Variants in SLIT3 observed in about 807,000 individuals in gnomAD.
SLIT3 encodes the protein slit homolog 3 protein.
SLIT3 carries 68 observed loss-of-function variants against 184.0 expected under a neutral mutation model. That is an observed-to-expected ratio of 0.37 (90% CI 0.30 to 0.45). The LOEUF (loss-of-function observed/expected upper bound fraction) is 0.45, where lower values mean the gene tolerates loss of function less well. SLIT3 is among the 20% of genes least tolerant of loss of function. SLIT3 has a pLI of 1.00. For synonymous variants in SLIT3, 831 were observed against 828.6 expected (o/e 1.00, Z -0.05); for missense variants, 1,707 against 2,026.0 (o/e 0.84, Z 3.02).
At chr5:169,260,654 G>T (rs1245631353) in intron 1 of SLIT3, among the ~76,000 whole-genome samples, 1 of 152,110 alleles carries the variant, frequency 6.6e-6, no homozygotes, top group African/African-American at 2.4e-5. Flanking sequence ...AATGATCCCT[G>T]TGTAAATAAA....
At chr5:168,856,836 G>T (rs1416201288) in intron 5 of SLIT3, among the ~76,000 whole-genome samples, 1 of 150,324 alleles carries the variant, frequency 6.7e-6, no homozygotes, top group African/African-American at 2.5e-5. Flanking sequence ...TGTTCAGACT[G>T]GTTCTCAGAG....
intron 5 of SLIT3, among the ~76,000 whole-genome samples, chr5:168,861,443 T>C (rs76048769): frequency 0.017 from 1,956 of 116,096 alleles, 21 homozygotes; most frequent in East Asian, 0.079. Context: ...CCCATTTCAA[T>C]AGGCAGCAAG....
chr5:169,251,294 G>T (rs1765765585), intron 2 of SLIT3, 94 bp downstream of exon 2: 1 of 845,950 alleles, frequency 1.2e-6, no homozygotes, highest in Non-Finnish European at 2.1e-6. Context: ...GTTGTCCAGG[G>T]CTTGGGAGTG....
At chr5:168,862,589 C>G (rs537293203) in intron 5 of SLIT3, among the ~76,000 whole-genome samples, 1 of 152,158 alleles carries the variant, frequency 6.6e-6, no homozygotes, top group Non-Finnish European at 1.5e-5. Flanking sequence ...CACTCAGCCA[C>G]GACCCTCTCC....
intron 1 of SLIT3, among the ~76,000 whole-genome samples, chr5:169,281,345 G>A (rs1049787859): frequency 1.3e-5 from 2 of 152,048 alleles, no homozygotes; most frequent in Admixed American, 6.5e-5. Context: ...GCGTGGTGAC[G>A]GGTGCCTGTA....
At chr5:168,703,831 G>A (rs1463142429) in intron 26 of SLIT3, among the ~76,000 whole-genome samples, 2 of 151,070 alleles carry the variant, frequency 1.3e-5, no homozygotes, top group Non-Finnish European at 2.9e-5. Flanking sequence ...GGGCATCCCA[G>A]CTACTCAGGA....
chr5:169,268,128 T>C (rs2113626080), intron 1 of SLIT3, among the ~76,000 whole-genome samples: 1 of 152,336 alleles, frequency 6.6e-6, no homozygotes, highest in East Asian at 1.9e-4. Context: ...TGTCCTGCCA[T>C]GCCCTAATAA....
At chr5:168,831,541 GC>G (rs1185757578) in intron 6 of SLIT3, among the ~76,000 whole-genome samples, 1 of 152,158 alleles carries the variant, frequency 6.6e-6, no homozygotes, top group Admixed American at 6.5e-5. Context: ...CTCACAAGGG[GC>G]CTTATTCACT....
intron 4 of SLIT3, among the ~76,000 whole-genome samples, chr5:168,995,039 G>A (rs1479298517): frequency 1.3e-5 from 2 of 152,128 alleles, no homozygotes; most frequent in African/African-American, 4.8e-5. Flanking sequence ...TAAGGAAACT[G>A]AGGCACAGTG....
chr5:168,680,512 G>A (rs1442276793), intron 32 of SLIT3, among the ~76,000 whole-genome samples: 3 of 152,252 alleles, frequency 2.0e-5, no homozygotes, highest in Non-Finnish European at 4.4e-5. Flanking sequence ...TGAGCCAAAA[G>A]CTGGTGGCTG....
intron 4 of SLIT3, among the ~76,000 whole-genome samples, chr5:168,932,600 C>T (rs977634664): frequency 2.6e-5 from 4 of 152,130 alleles, no homozygotes; most frequent in Admixed American, 1.3e-4. Flanking sequence ...CCCAGGGACA[C>T]CCCGTGGGGC....
chr5:169,253,777 G>A (rs2113599130), intron 1 of SLIT3, among the ~76,000 whole-genome samples: 1 of 152,264 alleles, frequency 6.6e-6, no homozygotes, highest in African/African-American at 2.4e-5. Flanking sequence ...GATGAATCCT[G>A]GGGTCCCCAA....
At chr5:168,864,045 A>C (rs1269735005) in intron 5 of SLIT3, among the ~76,000 whole-genome samples, 1 of 148,080 alleles carries the variant, frequency 6.8e-6, no homozygotes, top group Non-Finnish European at 1.5e-5. Flanking sequence ...AAAAATACAA[A>C]AAAAAAAAAA....
chr5:168,887,182 C>A (rs375133767), intron 4 of SLIT3, among the ~76,000 whole-genome samples: 1 of 151,950 alleles, frequency 6.6e-6, no homozygotes, highest in South Asian at 2.1e-4. Flanking sequence ...AATGACAGTT[C>A]CCACCTTCAC....
At chr5:168,800,731 T>G (rs565032043) in intron 9 of SLIT3, among the ~76,000 whole-genome samples, 3 of 152,346 alleles carry the variant, frequency 2.0e-5, no homozygotes, top group African/African-American at 7.2e-5. Context: ...ACACCTGGTA[T>G]TGCCTACAGA....
chr5:168,733,416 G>C (rs1452659081), intron 20 of SLIT3, among the ~76,000 whole-genome samples: 2 of 152,132 alleles, frequency 1.3e-5, no homozygotes, highest in East Asian at 3.8e-4. Flanking sequence ...ACTACCATTT[G>C]ATCCAGCAAC....
At chr5:169,253,083 G>GA (rs34252659) in intron 1 of SLIT3, among the ~76,000 whole-genome samples, 113 of 141,514 alleles carry the variant, frequency 8.0e-4, no homozygotes, top group South Asian at 1.3e-3. Context: ...TGGTTTAGAA[G>GA]AAAAAAAAAA....
chr5:168,862,966 C>T (rs557594928), intron 5 of SLIT3, among the ~76,000 whole-genome samples: 27 of 152,318 alleles, frequency 1.8e-4, no homozygotes, highest in African/African-American at 3.6e-4. Flanking sequence ...TGAGCCGCTG[C>T]GCCCAGACTG....
At chr5:169,263,619 C>T (rs1293416001) in intron 1 of SLIT3, 1 of 488,174 alleles carries the variant, frequency 2.0e-6, no homozygotes, top group South Asian at 1.5e-5. Context: ...GCAGCCCTAG[C>T]ATACAGATAC....
Sources: allele counts gnomAD v4.1 joint callset (sites outside exome capture counted in the v4.1 genomes callset), GRCh38; gene constraint gnomAD v4.1.1; transcripts MANE v1.5; gene names NCBI Gene and HGNC (gene_info 2026-07-23, HGNC 2026-07-21).